SRPK2: variants seen among roughly 807,000 people sequenced by gnomAD.
The protein encoded by SRPK2 is SFRS protein kinase 2.
SRPK2 carries 21 observed loss-of-function variants against 90.8 expected under a neutral mutation model. The observed-to-expected ratio is 0.23, with a 90% CI of 0.16 to 0.33. The LOEUF is 0.33. Ranked by LOEUF, SRPK2 falls within the 10% of genes least tolerant of loss-of-function variation. The pLI is 1.00. For synonymous variants in SRPK2, 288 were observed against 311.1 expected (o/e 0.93, Z 0.78); for missense variants, 620 against 869.0 (o/e 0.71, Z 3.60).
intron 2 of SRPK2, among the ~76,000 whole-genome samples, chr7:105,355,531 G>C (rs1275390807): frequency 6.6e-6 from 1 of 152,054 alleles, no homozygotes; most frequent in East Asian, 1.9e-4. Context: ...GAGCACACCT[G>C]TGGTCCCAGC....
intron 6 of SRPK2, among the ~76,000 whole-genome samples, chr7:105,162,351 T>A (rs966533685): frequency 1.4e-4 from 21 of 151,702 alleles, no homozygotes; most frequent in Non-Finnish European, 2.8e-4. Flanking sequence ...CCCAACTTAA[T>A]TTTTTTTTAA....
At chr7:105,134,376 G>A (rs1802490378) in intron 11 of SRPK2, among the ~76,000 whole-genome samples, 1 of 152,190 alleles carries the variant, frequency 6.6e-6, no homozygotes, top group African/African-American at 2.4e-5. Context: ...CATGTAAGAT[G>A]CCTGCTTCCC....
At chr7:105,148,646 G>A (rs945262630) in intron 7 of SRPK2, among the ~76,000 whole-genome samples, 1 of 152,184 alleles carries the variant, frequency 6.6e-6, no homozygotes, top group Non-Finnish European at 1.5e-5. Context: ...CCAATGTAGG[G>A]AAAAGAGAGA....
At chr7:105,120,065 T>C (rs980576635) in intron 15 of SRPK2, among the ~76,000 whole-genome samples, 1 of 152,238 alleles carries the variant, frequency 6.6e-6, no homozygotes, top group African/African-American at 2.4e-5. Context: ...GTTAGTAGGT[T>C]ATTTCAATTT....
intron 2 of SRPK2, among the ~76,000 whole-genome samples, chr7:105,270,425 T>C (rs1195053861): frequency 1.0e-4 from 13 of 125,734 alleles, no homozygotes; most frequent in African/African-American, 3.0e-4. Flanking sequence ...TTTTTTTTTT[T>C]TGAGATGGAA....
intron 15 of SRPK2, among the ~76,000 whole-genome samples, chr7:105,120,550 A>G (rs1169764793): frequency 6.6e-6 from 1 of 152,208 alleles, no homozygotes; most frequent in East Asian, 1.9e-4. Context: ...AAGACTGTGC[A>G]AAGAAGCAGT....
chr7:105,177,379 G>A (rs1397494198), intron 3 of SRPK2, among the ~76,000 whole-genome samples: 1 of 152,138 alleles, frequency 6.6e-6, no homozygotes, highest in Non-Finnish European at 1.5e-5. Context: ...GTGATACAAT[G>A]TAAGGACACA....
At chr7:105,391,195 T>TATTTATTC (rs1822173156), upstream of SRPK2, among the ~76,000 whole-genome samples, 1 of 151,506 alleles carries the variant, frequency 6.6e-6, no homozygotes, top group East Asian at 1.9e-4. Context: ...TTTATTTATT[T>TATTTATTC]ATTTATTTAT....
At chr7:105,293,997 CG>C (rs1200183355) in intron 2 of SRPK2, among the ~76,000 whole-genome samples, 1 of 152,142 alleles carries the variant, frequency 6.6e-6, no homozygotes, top group Admixed American at 6.6e-5. Context: ...CTGCCTGCAC[CG>C]GGGTCAGGGG....
At chr7:105,160,148 A>C (rs1307537105) in intron 7 of SRPK2, among the ~76,000 whole-genome samples, 1 of 152,214 alleles carries the variant, frequency 6.6e-6, no homozygotes, top group Non-Finnish European at 1.5e-5. Flanking sequence ...TTAGTAAATA[A>C]ACCCAGTAAG....
intron 3 of SRPK2, among the ~76,000 whole-genome samples, chr7:105,183,974 A>ATTTTTTTTTT (rs57622134): frequency 8.6e-6 from 1 of 116,280 alleles, no homozygotes; most frequent in Non-Finnish European, 1.7e-5. Context: ...ACTATTACCA[A>ATTTTTTTTTT]TTTTTTTTTT....
At chr7:105,338,578 G>T (rs1357278193) in intron 2 of SRPK2, among the ~76,000 whole-genome samples, 2 of 152,152 alleles carry the variant, frequency 1.3e-5, no homozygotes, top group Admixed American at 1.3e-4. Flanking sequence ...TAATATGAAA[G>T]TCCAACCTAA....
chr7:105,327,743 G>C (rs933930709), intron 2 of SRPK2, among the ~76,000 whole-genome samples: 1 of 152,204 alleles, frequency 6.6e-6, no homozygotes, highest in Non-Finnish European at 1.5e-5. Context: ...AAGAACACAA[G>C]ATACTTAATA....
At chr7:105,311,695 G>A (rs1052662133) in intron 2 of SRPK2, among the ~76,000 whole-genome samples, 2 of 152,196 alleles carry the variant, frequency 1.3e-5, no homozygotes, top group Non-Finnish European at 2.9e-5. Flanking sequence ...GACAATAAGT[G>A]TAGGCAAGGA....
intron 2 of SRPK2, among the ~76,000 whole-genome samples, chr7:105,334,371 C>T (rs1814808562): frequency 6.6e-6 from 1 of 152,172 alleles, no homozygotes; most frequent in Admixed American, 6.5e-5. Flanking sequence ...AGCCACCACG[C>T]CCGGCCAATG....
intron 2 of SRPK2, among the ~76,000 whole-genome samples, chr7:105,379,156 A>T (rs2385558): frequency 0.4 from 60,409 of 150,312 alleles, 13,982 homozygotes; most frequent in Non-Finnish European, 0.52. Context: ...TCTAAAAAAA[A>T]ATATATATAT....
At chr7:105,278,891 A>G (rs1292941005) in intron 2 of SRPK2, among the ~76,000 whole-genome samples, 1 of 152,228 alleles carries the variant, frequency 6.6e-6, no homozygotes, top group Non-Finnish European at 1.5e-5. Flanking sequence ...CAATCATGTT[A>G]TTATACAACT....
In SRPK2 at chr7:105,234,065, T is replaced by C. The variant is rs1799844316; in HGVS notation, c.72-30280A>G. 2.0e-5 allele frequency among the ~76,000 whole-genome samples: 3 copies of C among 152,210 alleles called. No homozygotes were observed. The East Asian group carries it at 5.8e-4, about 29-fold the overall frequency. ...TATTAAAATAAGGCCCAATTAAATTTTTTTATGACTTACATAAAATTTAGA... is the reference window on the plus strand; with the variant it reads ...TATTAAAATAAGGCCCAATTAAATTCTTTTATGACTTACATAAAATTTAGA... On this transcript the variant is annotated intron_variant, in intron 2 of 15. Coordinates refer to ENST00000393651, the MANE Select transcript of SRPK2 (RefSeq NM_182692.3).
At chr7:105,143,019 C>T in intron 10 of SRPK2, 65 bp downstream of exon 10, 1 of 1,554,296 alleles carries the variant, frequency 6.4e-7, no homozygotes, top group Admixed American at 2.0e-5. Context: ...CCATGTTGAC[C>T]TGGCAGAACC....
Sources: gnomAD v4.1 joint callset for allele counts (sites outside exome capture counted in the v4.1 genomes callset) on GRCh38, gnomAD v4.1.1 for gene constraint, MANE v1.5 for transcripts, NCBI Gene and HGNC (gene_info 2026-07-23, HGNC 2026-07-21) for gene names.